The following RCOR1 variants were observed in gnomAD, a reference collection of about 807,000 sequenced individuals.
RCOR1 encodes REST corepressor 1.
Under a neutral mutation model 64.0 loss-of-function variants are expected in RCOR1, and 12 were observed. The observed-to-expected ratio is 0.19, with a 90% CI of 0.12 to 0.30. The LOEUF (loss-of-function observed/expected upper bound fraction) is 0.30, where lower values mean the gene tolerates loss of function less well. RCOR1 is among the 10% of genes least tolerant of loss of function. The pLI is 1.00. For synonymous variants in RCOR1, 279 were observed against 227.2 expected (o/e 1.23, Z -2.05); for missense variants, 502 against 621.2 (o/e 0.81, Z 2.04).
At chr14:102,647,215 G>A (rs714827) in intron 2 of RCOR1, among the ~76,000 whole-genome samples, 143,375 of 152,324 alleles carry the variant, frequency 0.94, 67,609 homozygotes, top group East Asian at 1. Context: ...TCCAGTGGAA[G>A]CAAGTCAAGT....
In RCOR1 at chr14:102,729,460, G is replaced by A. The variant is rs141762137; in HGVS notation, c.*2954G>A. ...GGTGCTAGTGTAACACAAATGCCGC[G>A]TTGTCTGGGTGTACAGTGTTTGTGG... On this transcript the variant is annotated 3_prime_UTR_variant, in exon 12 of 12. Transcript: ENST00000262241. The A allele has an allele frequency of 3.1e-4, 49 of 157,196 alleles. No individual in the cohort carries two copies. In the East Asian group the frequency reaches 7.2e-3, roughly 23 times the overall value. 9.7% of individuals were successfully genotyped at this position (157,196 alleles called of 1,614,324 possible).
chr14:102,598,825 A>G (rs1893322515), intron 2 of RCOR1, among the ~76,000 whole-genome samples: 1 of 152,024 alleles, frequency 6.6e-6, no homozygotes, highest in Non-Finnish European at 1.5e-5. Context: ...TTAGAATACC[A>G]TTTGTGTTTA....
intron 3 of RCOR1, among the ~76,000 whole-genome samples, chr14:102,692,401 A>C (rs2139970459): frequency 6.6e-6 from 1 of 151,782 alleles, no homozygotes; most frequent in South Asian, 2.1e-4. Flanking sequence ...CTGGGTCATA[A>C]TATATGAAAG....
intron 2 of RCOR1, among the ~76,000 whole-genome samples, chr14:102,597,363 C>T (rs991152646): frequency 6.6e-6 from 1 of 151,492 alleles, no homozygotes; most frequent in Admixed American, 6.6e-5. Context: ...GAGTCTCGCT[C>T]TTTCACCCAG....
At chr14:102,651,984 T>C (rs1894601563) in intron 2 of RCOR1, among the ~76,000 whole-genome samples, 1 of 152,244 alleles carries the variant, frequency 6.6e-6, no homozygotes, top group African/African-American at 2.4e-5. Context: ...GGAGGATCTT[T>C]ATGCTGAATT....
intron 2 of RCOR1, among the ~76,000 whole-genome samples, chr14:102,646,841 A>C (rs1894486532): frequency 6.6e-6 from 1 of 152,250 alleles, no homozygotes; most frequent in African/African-American, 2.4e-5. Flanking sequence ...GTGCGCTCAC[A>C]CACAGTGGGA....
intron 2 of RCOR1, among the ~76,000 whole-genome samples, chr14:102,635,825 A>T (rs1894223348): frequency 6.6e-6 from 1 of 152,126 alleles, no homozygotes; most frequent in African/African-American, 2.4e-5. Context: ...GGTGTCATGC[A>T]CCTGTAGTCC....
At chr14:102,651,519 C>T (rs1347466693) in intron 2 of RCOR1, among the ~76,000 whole-genome samples, 1 of 150,554 alleles carries the variant, frequency 6.6e-6, no homozygotes, top group Non-Finnish European at 1.5e-5. Flanking sequence ...CGCCACTGCA[C>T]TCTAGCCTGG....
At chr14:102,671,352 G>A (rs1356251497) in intron 2 of RCOR1, among the ~76,000 whole-genome samples, 1 of 152,064 alleles carries the variant, frequency 6.6e-6, no homozygotes, top group Non-Finnish European at 1.5e-5. Context: ...AATGGCTGTG[G>A]AGTAACCTGT....
intron 2 of RCOR1, among the ~76,000 whole-genome samples, chr14:102,623,543 G>A (rs898040617): frequency 6.6e-6 from 1 of 151,358 alleles, no homozygotes; most frequent in Non-Finnish European, 1.5e-5. Context: ...CGAGTAGCTG[G>A]GATTATAGGC....
rs946942062 is a variant in RCOR1 at position 102,726,595 on chromosome 14, C to T, written c.*89C>T. The T allele has an allele frequency of 2.1e-5, 23 of 1,105,840 alleles. No individual in the cohort carries two copies. The highest frequency in any genetic ancestry group is 2.9e-5 in the Non-Finnish European group (22 of 745,956). The allele number at this position is 1,105,840 out of a possible 1,614,324, so 68.5% of individuals were successfully genotyped here. A position where few individuals can be genotyped will look rare whatever the true frequency, so the allele number is the denominator to read the frequency against. ...AGACATCACCTAGCCATCTGCATCACATCTCTCTGGACAAGCAGCTATTAC... is the reference window on the plus strand; with the variant it reads ...AGACATCACCTAGCCATCTGCATCATATCTCTCTGGACAAGCAGCTATTAC... On this transcript the variant is annotated 3_prime_UTR_variant, in exon 12 of 12. Transcript: ENST00000262241.
chr14:102,721,278 C>T lies in RCOR1; in HGVS notation c.1132-42C>T, dbSNP rs761197440. Reference sequence around the variant, plus strand: ...GTTAAGCTCATAAGGACATACTCATCTCTAAATGTAATGTGCTAAAATGAC... The same window carrying T: ...GTTAAGCTCATAAGGACATACTCATTTCTAAATGTAATGTGCTAAAATGAC... On this transcript the variant is annotated intron_variant, in intron 9 of 11. Coordinates refer to ENST00000262241, the MANE Select transcript of RCOR1 (RefSeq NM_015156.4). 6 of 1,544,770 alleles carry T rather than the reference C, an allele frequency of 3.9e-6. No homozygotes were observed. The East Asian group carries it at 1.1e-4, about 29-fold the overall frequency.
chr14:102,684,383 G>A (rs1895371980), intron 3 of RCOR1, among the ~76,000 whole-genome samples: 1 of 152,182 alleles, frequency 6.6e-6, no homozygotes, highest in African/African-American at 2.4e-5. Flanking sequence ...GGGTGCATGA[G>A]ACCTAGGGGT....
At chr14:102,714,358 A>G in intron 7 of RCOR1, 65 bp from the exon 8 acceptor site, 1 of 1,047,054 alleles carries the variant, frequency 9.6e-7, no homozygotes, top group South Asian at 2.0e-5. Flanking sequence ...AAGGAAATAA[A>G]TATGTTTATT....
chr14:102,692,249 T>A (rs1441346200), intron 3 of RCOR1, among the ~76,000 whole-genome samples: 1 of 152,198 alleles, frequency 6.6e-6, no homozygotes, highest in Non-Finnish European at 1.5e-5. Flanking sequence ...TCAGCACATG[T>A]AAAGCACATT....
chr14:102,629,369 A>T (rs1244385723), intron 2 of RCOR1, among the ~76,000 whole-genome samples: 1 of 151,598 alleles, frequency 6.6e-6, no homozygotes, highest in Non-Finnish European at 1.5e-5. Context: ...TGTTTATTGT[A>T]TGATTCCTTC....
chr14:102,592,906 A>T lies in RCOR1; in HGVS notation c.20A>T (p.Lys7Met). The change falls in exon 1 of 12, where the codon AAG becomes ATG. Residue 7 changes from lysine (K) to methionine (M), a missense_variant. Coordinates refer to ENST00000262241, the MANE Select transcript of RCOR1 (RefSeq NM_015156.4). MPAMVE[K>M]GPEVSGKRRG... The stretch of plus-strand genomic sequence containing the variant: ...CCGCCGATGCCGGCCATGGTGGAGA[A>T]GGGCCCCGAGGTCTCAGGGAAGCGG... The T allele has an allele frequency of 8.1e-7, 1 of 1,234,426 alleles. No individual in the cohort carries two copies. The highest frequency in any genetic ancestry group is 3.9e-5 in the Admixed American group (1 of 25,770). The allele number at this position is 1,234,426 out of a possible 1,614,324, so 76.5% of individuals were successfully genotyped here. A position where few individuals can be genotyped will look rare whatever the true frequency, so the allele number is the denominator to read the frequency against.
intron 2 of RCOR1, among the ~76,000 whole-genome samples, chr14:102,629,813 A>G (rs1383894790): frequency 1.3e-5 from 2 of 152,176 alleles, no homozygotes; most frequent in Admixed American, 1.3e-4. Flanking sequence ...TAATCCTCAT[A>G]ACAATCCTAC....
chr14:102,654,956 G>A (rs1291270789), intron 2 of RCOR1, among the ~76,000 whole-genome samples: 1 of 151,488 alleles, frequency 6.6e-6, no homozygotes, highest in Non-Finnish European at 1.5e-5. Flanking sequence ...CTGGAGGTAG[G>A]TGACACTAGC....
Sources: gnomAD v4.1 joint callset for allele counts (sites outside exome capture counted in the v4.1 genomes callset) on GRCh38, gnomAD v4.1.1 for gene constraint, MANE v1.5 for transcripts, NCBI Gene and HGNC (gene_info 2026-07-23, HGNC 2026-07-21) for gene names.